The following FRS2 variants were observed in gnomAD, a reference collection of about 807,000 sequenced individuals.
FRS2 encodes FGFR signalling adaptor.
Under a neutral mutation model 43.9 loss-of-function variants are expected in FRS2, and 8 were observed. The ratio of observed to expected loss-of-function variants is 0.18; its 90% confidence interval spans 0.11 to 0.33. The LOEUF is 0.33. Among genes scored for constraint, FRS2 ranks in the 10% least tolerant of loss-of-function variants. The pLI, the probability that FRS2 is intolerant of heterozygous loss-of-function variation, is 1.00. For missense variants in FRS2, 534 were observed against 627.6 expected (o/e 0.85, Z 1.59); for synonymous variants, 219 against 220.3 (o/e 0.99, Z 0.05).
At chr12:69,487,485 C>T (rs969773704) in intron 1 of FRS2, among the ~76,000 whole-genome samples, 4 of 152,180 alleles carry the variant, frequency 2.6e-5, no homozygotes, top group African/African-American at 9.7e-5. Context: ...TTTAAGCCCA[C>T]TGTTGAGACC....
At chr12:69,532,567 C>T (rs1669907973) in intron 3 of FRS2, among the ~76,000 whole-genome samples, 1 of 152,106 alleles carries the variant, frequency 6.6e-6, no homozygotes, top group Non-Finnish European at 1.5e-5. Flanking sequence ...TTATAAACGC[C>T]TTAATTAGGT....
Position 69,574,828 on chromosome 12 carries a change from G to T in FRS2, c.1400G>T (p.Arg467Leu). The T allele has an allele frequency of 1.2e-6, 2 of 1,613,814 alleles. No individual in the cohort carries two copies. The highest frequency in any genetic ancestry group is 8.5e-7 in the Non-Finnish European group (1 of 1,179,826). ...CCCCTTCCACAAACCCCTACCAGGC[G>T]CACAGAGCTGTATGCCGTGATAGAC... is the stretch of plus-strand genomic sequence containing the variant. ...TTPLPQTPTR[R>L]TELYAVIDIE... The change falls in exon 9 of 9, where the codon CGC becomes CTC. Residue 467 changes from arginine (R) to leucine (L), a missense_variant. Arg to Leu is a moderately radical substitution (Grantham distance 102). This residue lies in a region of FRS2 where 446 missense variants were observed against 494.2 expected (regional missense o/e 0.90). Coordinates refer to ENST00000549921, the MANE Select transcript of FRS2 (RefSeq NM_001278356.2).
rs149906232 is a variant in FRS2, at chr12:69,501,263, C to T, written c.-260-29602C>T. On this transcript the variant is annotated intron_variant, in intron 1 of 8. Transcript: ENST00000549921. ...GAATGAGACAAGATATAAATAAATACGTAGTGTAATTGCCAGGACACAAAG... is the reference window on the plus strand; with the variant it reads ...GAATGAGACAAGATATAAATAAATATGTAGTGTAATTGCCAGGACACAAAG... Among the ~76,000 whole-genome samples the T allele has an allele frequency of 1.4e-3, 220 of 151,778 alleles. 3 individuals carry two copies. The highest frequency in any genetic ancestry group is 0.014 in the Admixed American group (206 of 15,226).
rs1173454176 is a variant in FRS2, at chr12:69,574,324, C to G, written c.896C>G (p.Pro299Arg). The change falls in exon 9 of 9, where the codon CCC becomes CGC. Residue 299 changes from proline to arginine, a missense_variant. Pro to Arg is a moderately radical substitution (Grantham distance 103). Transcript: ENST00000549921. ...GACAGTGATGAACGAAGAGATGCAC[C>G]CTCTGTTAACAAACTGGTGTATGAA... is the stretch of plus-strand genomic sequence containing the variant. ...GYDSDERRDA[P>R]SVNKLVYENI... The G allele has an allele frequency of 6.2e-7, 1 of 1,613,964 alleles. No individual in the cohort carries two copies.
intron 1 of FRS2, among the ~76,000 whole-genome samples, chr12:69,478,938 A>G (rs917452056): frequency 7.3e-5 from 11 of 151,086 alleles, no homozygotes; most frequent in Admixed American, 2.0e-4. Flanking sequence ...TTTTAATTTT[A>G]TATGAATGTC....
In FRS2 at chr12:69,486,488, G is replaced by C. The variant is rs1427260209; in HGVS notation, c.-261+15958G>C. On this transcript the variant is annotated intron_variant, in intron 1 of 8. Transcript: ENST00000549921. ...TCCTCATCTCTTTCCTGCTCCTCAG[G>C]GTTCCCTATTTCCTGAGACCCTAAA... 2.0e-5 allele frequency among the ~76,000 whole-genome samples: 3 copies of C among 152,062 alleles called. No homozygotes were observed. The East Asian group carries it at 5.8e-4, about 29-fold the overall frequency.
At chr12:69,573,019 G>C (rs539026163) in intron 8 of FRS2, among the ~76,000 whole-genome samples, 1 of 152,270 alleles carries the variant, frequency 6.6e-6, no homozygotes, top group South Asian at 2.1e-4. Context: ...TTTTAGTAGA[G>C]ACCGGGTTTC....
rs1005896441 is a variant in FRS2 at position 69,488,485 on chromosome 12, C to T, written c.-261+17955C>T. 1.1e-4 allele frequency among the ~76,000 whole-genome samples: 17 copies of T among 152,090 alleles called. No individual in the cohort carries two copies. The South Asian group carries it at 1.9e-3, about 17-fold the overall frequency. The stretch of plus-strand genomic sequence containing the variant: ...ATGCTGTTGCACACTTAATAGACTA[C>T]GGTACAGTGTAAACATAACTTTTGT... On this transcript the variant is annotated intron_variant, in intron 1 of 8. Transcript: ENST00000549921.
intron 3 of FRS2, among the ~76,000 whole-genome samples, chr12:69,557,142 GTT>G (rs1231409565): frequency 1.3e-5 from 2 of 152,170 alleles, no homozygotes; most frequent in Non-Finnish European, 2.9e-5. Context: ...TTATGCTAGA[GTT>G]CTGTCCCTGC....
chr12:69,510,769 C>A (rs926041228), intron 1 of FRS2, among the ~76,000 whole-genome samples: 1 of 152,148 alleles, frequency 6.6e-6, no homozygotes, highest in African/African-American at 2.4e-5. Context: ...ATTAATACAT[C>A]TAAAGTGCTA....
chr12:69,476,764 G>T (rs1261164135), intron 1 of FRS2, among the ~76,000 whole-genome samples: 25 of 103,434 alleles, frequency 2.4e-4, no homozygotes, highest in Middle Eastern at 5.0e-3. Flanking sequence ...GGGGGGGGGT[G>T]TGGGGGTGGG....
intron 1 of FRS2, among the ~76,000 whole-genome samples, chr12:69,522,115 T>C (rs1174938156): frequency 6.6e-6 from 1 of 152,248 alleles, no homozygotes; most frequent in East Asian, 1.9e-4. Flanking sequence ...GGTGTGCTGC[T>C]GGATTTGGCT....
intron 1 of FRS2, among the ~76,000 whole-genome samples, chr12:69,493,806 G>A (rs1490295392): frequency 9.9e-5 from 15 of 152,230 alleles, no homozygotes; most frequent in Admixed American, 9.8e-4. Flanking sequence ...ATGTTTGTGC[G>A]TTAAGTGTAC....
intron 3 of FRS2, among the ~76,000 whole-genome samples, chr12:69,533,924 A>G (rs967034221): frequency 6.6e-6 from 1 of 152,222 alleles, no homozygotes; most frequent in Non-Finnish European, 1.5e-5. Flanking sequence ...TGAGGAATCC[A>G]GTGCTATTCT....
At chr12:69,538,738 A>C (rs1652127900) in intron 3 of FRS2, among the ~76,000 whole-genome samples, 1 of 152,160 alleles carries the variant, frequency 6.6e-6, no homozygotes, top group Admixed American at 6.5e-5. Context: ...TGTTAAGTTT[A>C]TATTTTTAAA....
intron 1 of FRS2, among the ~76,000 whole-genome samples, chr12:69,508,594 A>G (rs1874173637): frequency 6.6e-6 from 1 of 152,238 alleles, no homozygotes; most frequent in African/African-American, 2.4e-5. Flanking sequence ...TTTGTATTTT[A>G]AAATTAAAAT....
At chr12:69,557,410 T>C (rs578146263) in intron 3 of FRS2, among the ~76,000 whole-genome samples, 6 of 152,304 alleles carry the variant, frequency 3.9e-5, no homozygotes, top group African/African-American at 1.2e-4. Flanking sequence ...ACTTTCTTAC[T>C]GCTACCTTAA....
chr12:69,485,134 C>CACACACACACACACACAT (rs1194988609), intron 1 of FRS2, among the ~76,000 whole-genome samples: 4,139 of 134,178 alleles, frequency 0.031, 243 homozygotes, highest in East Asian at 0.045. Context: ...CACACACACA[C>CACACACACACACACACAT]ACTCTCACCC....
chr12:69,546,404 TGCACCACCACACCTG>T (rs1878413039), intron 3 of FRS2, among the ~76,000 whole-genome samples: 1 of 152,052 alleles, frequency 6.6e-6, no homozygotes, highest in East Asian at 1.9e-4. Flanking sequence ...ACTATAGGTG[TGCACCACCACACCTG>T]GCTAATTTTT....
Sources: gnomAD v4.1 joint callset for allele counts (sites outside exome capture counted in the v4.1 genomes callset) on GRCh38, gnomAD v4.1.1 for gene constraint, gnomAD v4.1.1 regional missense constraint, MANE v1.5 for transcripts, NCBI Gene and HGNC (gene_info 2026-07-23, HGNC 2026-07-21) for gene names.